The following DLC1 variants were observed in gnomAD, a reference collection of about 807,000 sequenced individuals.
DLC1 encodes DLC1 Rho GTPase activating protein.
DLC1 carries 54 observed loss-of-function variants against 140.3 expected under a neutral mutation model. That is an observed-to-expected ratio of 0.38 (90% CI 0.31 to 0.48). The LOEUF is 0.48. Among genes scored for constraint, DLC1 ranks in the 20% least tolerant of loss-of-function variants. The pLI is 0.96. For missense variants in DLC1, 2,536 were observed against 1,907.0 expected, an observed-to-expected ratio of 1.33 and a Z score of -6.14; for synonymous variants, 986 against 728.1, an observed-to-expected ratio of 1.35 and a Z score of -5.70.
chr8:13,218,940 G>A (rs184892007), intron 5 of DLC1, among the ~76,000 whole-genome samples: 11 of 30,664 alleles, frequency 3.6e-4, no homozygotes, highest in African/African-American at 2.1e-3. Flanking sequence ...GTACGAATAT[G>A]ATTATATAAT....
intron 6 of DLC1, 129 bp downstream of exon 6, chr8:13,115,457 T>C: frequency 2.2e-6 from 2 of 917,358 alleles, no homozygotes; most frequent in Non-Finnish European, 3.1e-6. Context: ...CTTGCATGCT[T>C]ACAACATTTT....
intron 2 of DLC1, among the ~76,000 whole-genome samples, chr8:13,495,749 G>A (rs544521847): frequency 6.6e-6 from 1 of 152,142 alleles, no homozygotes; most frequent in African/African-American, 2.4e-5. Flanking sequence ...TTTGCAAAAC[G>A]ATGAATGCCT....
intron 5 of DLC1, among the ~76,000 whole-genome samples, chr8:13,298,795 G>A (rs1832065539): frequency 6.6e-6 from 1 of 152,144 alleles, no homozygotes. Context: ...GGGAAAGCTG[G>A]ACCCCAAACA....
chr8:13,428,209 C>G (rs988197362), intron 2 of DLC1, among the ~76,000 whole-genome samples: 1 of 152,052 alleles, frequency 6.6e-6, no homozygotes, highest in Non-Finnish European at 1.5e-5. Flanking sequence ...TTCACTGGGT[C>G]CACAGACATC....
chr8:13,363,588 G>A (rs1156851960), intron 4 of DLC1, among the ~76,000 whole-genome samples: 1 of 151,684 alleles, frequency 6.6e-6, no homozygotes, highest in East Asian at 1.9e-4. Context: ...ATTGTAAATT[G>A]TTTTACAATA....
chr8:13,457,407 G>A (rs763985095), intron 2 of DLC1, among the ~76,000 whole-genome samples: 3 of 151,942 alleles, frequency 2.0e-5, no homozygotes, highest in Non-Finnish European at 4.4e-5. Flanking sequence ...TGCTGGGCAC[G>A]GTGGCTCATG....
At chr8:13,186,695 GGCAAGGAGCT>G (rs1826389339) in intron 5 of DLC1, among the ~76,000 whole-genome samples, 1 of 152,200 alleles carries the variant, frequency 6.6e-6, no homozygotes, top group Non-Finnish European at 1.5e-5. Flanking sequence ...TTCCGTTGCT[GGCAAGGAGCT>G]GCAGTCCTTT....
intron 2 of DLC1, among the ~76,000 whole-genome samples, chr8:13,488,367 G>T (rs1174039240): frequency 1.3e-5 from 2 of 152,014 alleles, no homozygotes; most frequent in African/African-American, 2.4e-5. Flanking sequence ...TACTAGCTAG[G>T]GAGCAAATTA....
rs1034969861 is a variant in DLC1, at chr8:13,084,190, A to G, written c.*1621T>C. 3 of 152,632 alleles carry G rather than the reference A, an allele frequency of 2.0e-5. No homozygotes were observed. Among genetic ancestry groups the G allele is most frequent in the African/African-American group, 7.2e-5 (3 of 41,446 alleles). The allele number at this position is 152,632 out of a possible 1,614,324, so 9.5% of individuals were successfully genotyped here. A position where few individuals can be genotyped will look rare whatever the true frequency, so the allele number is the denominator to read the frequency against. On this transcript the variant is annotated 3_prime_UTR_variant, in exon 18 of 18. Transcript: ENST00000276297. ...GACATGTTTCTTAATAGAATGGTAT[A>G]TACAACATACAATCTTACAAATCTG...
chr8:13,219,795 A>G (rs1327246752), intron 5 of DLC1, among the ~76,000 whole-genome samples: 2 of 152,182 alleles, frequency 1.3e-5, no homozygotes, highest in African/African-American at 4.8e-5. Flanking sequence ...TAATGGGTGG[A>G]TAAATTAAAT....
intron 1 of DLC1, among the ~76,000 whole-genome samples, chr8:13,505,570 T>C (rs1333910244): frequency 6.6e-6 from 1 of 152,212 alleles, no homozygotes; most frequent in Non-Finnish European, 1.5e-5. Context: ...CTGCAGTTCT[T>C]CTGCAATATG....
At chr8:13,446,822 A>T (rs1427794629) in intron 2 of DLC1, among the ~76,000 whole-genome samples, 1 of 151,980 alleles carries the variant, frequency 6.6e-6, no homozygotes, top group African/African-American at 2.4e-5. Context: ...GGTGCCTGTA[A>T]ACCCAGCTAC....
chr8:13,108,060 T>G (rs914750065), intron 7 of DLC1, among the ~76,000 whole-genome samples: 1 of 151,722 alleles, frequency 6.6e-6, no homozygotes, highest in Non-Finnish European at 1.5e-5. Context: ...AATAAAAAAA[T>G]AAAATAAAGG....
intron 4 of DLC1, among the ~76,000 whole-genome samples, chr8:13,313,928 G>T (rs1832772842): frequency 6.6e-6 from 1 of 152,018 alleles, no homozygotes; most frequent in South Asian, 2.1e-4. Flanking sequence ...TTTTAGGTAA[G>T]CCAGTGATGA....
chr8:13,369,911 C>CT (rs1489076419), intron 4 of DLC1, among the ~76,000 whole-genome samples: 7 of 7,128 alleles, frequency 9.8e-4, no homozygotes, highest in African/African-American at 1.7e-3. Flanking sequence ...AGATTTAAAA[C>CT]TTAAAAAAAA....
Position 13,393,687 on chromosome 8 carries a change from C to T in DLC1, c.1180G>A (p.Glu394Lys). ...TNLRRHVPDL[E>K]SGSESGADTI... ...TCTGCTCCACTTTCAGATCCTGATT[C>T]CAGATCCTATTAAAAAACAAATGCA... is the stretch of plus-strand genomic sequence containing the variant. The change falls in exon 4 of 18, where the codon GAA becomes AAA. Residue 394 changes from glutamate (E) to lysine (K), a missense_variant. Glu to Lys is a moderately conservative substitution (Grantham distance 56). Coordinates refer to ENST00000276297, the MANE Select transcript of DLC1 (RefSeq NM_182643.3). 1.2e-6 allele frequency: 2 copies of T among 1,612,568 alleles called. No homozygotes were observed. The highest frequency in any genetic ancestry group is 1.7e-6 in the Non-Finnish European group (2 of 1,179,530).
chr8:13,158,557 C>T (rs919869148), intron 5 of DLC1, among the ~76,000 whole-genome samples: 8 of 152,066 alleles, frequency 5.3e-5, no homozygotes, highest in Admixed American at 1.3e-4. Flanking sequence ...TGTTCTTCCT[C>T]GGGTCAAACA....
At chr8:13,414,854 AG>A (rs1191075617) in intron 2 of DLC1, among the ~76,000 whole-genome samples, 1 of 152,166 alleles carries the variant, frequency 6.6e-6, no homozygotes, top group Non-Finnish European at 1.5e-5. Flanking sequence ...TCTGTCACCC[AG>A]GCTGGAGTGC....
chr8:13,239,910 A>G (rs576765323), intron 5 of DLC1, among the ~76,000 whole-genome samples: 1 of 152,116 alleles, frequency 6.6e-6, no homozygotes, highest in Non-Finnish European at 1.5e-5. Context: ...TAAGCCAAGG[A>G]GCTTGCATTT....
Sources: allele counts gnomAD v4.1 joint callset (sites outside exome capture counted in the v4.1 genomes callset), GRCh38; gene constraint gnomAD v4.1.1; transcripts MANE v1.5; gene names NCBI Gene and HGNC (gene_info 2026-07-23, HGNC 2026-07-21).